The following NEK10 variants were observed in gnomAD, a reference collection of about 807,000 sequenced individuals.
NEK10 encodes NIMA related kinase 10.
Under a neutral mutation model 159.8 loss-of-function variants are expected in NEK10, and 122 were observed. That is an observed-to-expected ratio of 0.76 (90% confidence interval 0.66 to 0.89). The LOEUF is 0.89. Among genes scored for constraint, NEK10 ranks in the 40% least tolerant of loss-of-function variants. The pLI, the probability that NEK10 is intolerant of heterozygous loss-of-function variation, is 0.00. For missense variants in NEK10, 1,342 were observed against 1,323.1 expected, an observed-to-expected ratio of 1.01 and a Z score of -0.22; for synonymous variants, 466 against 457.1, an observed-to-expected ratio of 1.02 and a Z score of -0.25.
intron 30 of NEK10, among the ~76,000 whole-genome samples, chr3:27,145,975 G>A (rs1190313054): frequency 1.3e-5 from 2 of 152,064 alleles, no homozygotes; most frequent in Admixed American, 1.3e-4. Flanking sequence ...AGGCGCCTCT[G>A]GTTACTGCAA....
intron 30 of NEK10, among the ~76,000 whole-genome samples, chr3:27,152,295 T>C (rs1201361130): frequency 6.6e-6 from 1 of 152,210 alleles, no homozygotes; most frequent in Non-Finnish European, 1.5e-5. Flanking sequence ...AGCAGATTTC[T>C]CAGCAGAAAC....
At chr3:27,357,406 G>A (rs567592613) in intron 1 of NEK10, among the ~76,000 whole-genome samples, 1 of 152,282 alleles carries the variant, frequency 6.6e-6, no homozygotes, top group East Asian at 1.9e-4. Context: ...CATTTGTGAT[G>A]TTGTAATAAT....
At chr3:27,353,291 T>C (rs956361037) in intron 1 of NEK10, among the ~76,000 whole-genome samples, 2 of 152,182 alleles carry the variant, frequency 1.3e-5, no homozygotes, top group African/African-American at 4.8e-5. Context: ...AAATTAAGTG[T>C]GTTCTATGGG....
chr3:27,328,436 A>G (rs888218305), intron 5 of NEK10, among the ~76,000 whole-genome samples: 1 of 152,200 alleles, frequency 6.6e-6, no homozygotes, highest in African/African-American at 2.4e-5. Context: ...GAGTTATTTG[A>G]GGGATTGATC....
intron 5 of NEK10, among the ~76,000 whole-genome samples, chr3:27,335,367 C>A (rs796923420): frequency 1.5e-4 from 22 of 149,470 alleles, no homozygotes; most frequent in African/African-American, 5.2e-4. Flanking sequence ...CCAAATAATA[C>A]TAGATCTAAA....
intron 9 of NEK10, chr3:27,309,932 T>C (rs2044553967): frequency 6.6e-6 from 1 of 152,140 alleles, no homozygotes; most frequent in Non-Finnish European, 1.5e-5. Context: ...GTCAGTGGCT[T>C]TCCCTGAATT....
intron 23 of NEK10, among the ~76,000 whole-genome samples, chr3:27,225,540 T>A (rs571793675): frequency 6.6e-6 from 1 of 152,324 alleles, no homozygotes; most frequent in Admixed American, 6.5e-5. Flanking sequence ...TAAAGTTCAT[T>A]TACACAGGAA....
intron 22 of NEK10, among the ~76,000 whole-genome samples, chr3:27,258,670 A>C (rs2040108893): frequency 6.6e-6 from 1 of 152,258 alleles, no homozygotes; most frequent in South Asian, 2.1e-4. Context: ...ATAGTGCCGC[A>C]ATAAACTTAC....
At chr3:27,262,726 C>T (rs2040527446) in intron 22 of NEK10, among the ~76,000 whole-genome samples, 1 of 152,090 alleles carries the variant, frequency 6.6e-6, no homozygotes, top group Non-Finnish European at 1.5e-5. Flanking sequence ...TCTAGTTAGC[C>T]ATTCATCTAA....
At chr3:27,258,018 G>C (rs1169141449) in intron 22 of NEK10, among the ~76,000 whole-genome samples, 1 of 151,464 alleles carries the variant, frequency 6.6e-6, no homozygotes, top group Admixed American at 6.6e-5. Context: ...GGATGGTCTC[G>C]ATCTCCTGAC....
intron 25 of NEK10, among the ~76,000 whole-genome samples, chr3:27,198,166 A>T (rs1210996313): frequency 1.3e-5 from 2 of 152,200 alleles, no homozygotes; most frequent in African/African-American, 4.8e-5. Flanking sequence ...ATGCTCACAG[A>T]TAGAAAGAAT....
chr3:27,295,323 T>C (rs2043281157), intron 15 of NEK10, among the ~76,000 whole-genome samples: 1 of 152,216 alleles, frequency 6.6e-6, no homozygotes, highest in South Asian at 2.1e-4. Flanking sequence ...TGTTATATTC[T>C]GATACATAAG....
chr3:27,150,052 GC>G (rs1266909391), intron 30 of NEK10, among the ~76,000 whole-genome samples: 1 of 152,188 alleles, frequency 6.6e-6, no homozygotes, highest in Non-Finnish European at 1.5e-5. Context: ...CCAGAGGAAG[GC>G]CCCAACCCTC....
intron 30 of NEK10, among the ~76,000 whole-genome samples, chr3:27,159,415 G>A (rs1027634707): frequency 3.3e-5 from 5 of 152,116 alleles, no homozygotes; most frequent in East Asian, 1.9e-4. Context: ...TGAGTTAGTC[G>A]ATGTAAAGAA....
At chr3:27,182,477 C>T (rs1371469033) in intron 26 of NEK10, among the ~76,000 whole-genome samples, 4 of 151,994 alleles carry the variant, frequency 2.6e-5, no homozygotes, top group Non-Finnish European at 5.9e-5. Context: ...GAAAGGGGAA[C>T]CCTTGCAGAC....
At chr3:27,317,170 G>A (rs2045266171) in intron 6 of NEK10, among the ~76,000 whole-genome samples, 5 of 152,164 alleles carry the variant, frequency 3.3e-5, no homozygotes. Context: ...GTGGAGCAAG[G>A]CCAGGAGATT....
At chr3:27,281,013 A>G (rs867341817) in intron 22 of NEK10, among the ~76,000 whole-genome samples, 122 of 151,958 alleles carry the variant, frequency 8.0e-4, no homozygotes, top group African/African-American at 2.8e-3. Flanking sequence ...AAAAAAGTCT[A>G]TATTACCCTG....
intron 11 of NEK10, among the ~76,000 whole-genome samples, chr3:27,307,157 C>G (rs1385716234): frequency 1.3e-5 from 2 of 152,036 alleles, no homozygotes; most frequent in Non-Finnish European, 2.9e-5. Flanking sequence ...TTCAGATAAC[C>G]AAGTCTATAA....
At chr3:27,320,076 A>C (rs554252025) in intron 6 of NEK10, among the ~76,000 whole-genome samples, 1 of 152,360 alleles carries the variant, frequency 6.6e-6, no homozygotes, top group South Asian at 2.1e-4. Context: ...CAACTGCCTG[A>C]GCACGTGGTC....
Sources: gnomAD v4.1 joint callset for allele counts (sites outside exome capture counted in the v4.1 genomes callset) on GRCh38, gnomAD v4.1.1 for gene constraint, MANE v1.5 for transcripts, NCBI Gene and HGNC (gene_info 2026-07-23, HGNC 2026-07-21) for gene names.